Variants in RFX8 observed in about 807,000 individuals in gnomAD.
RFX8 encodes regulatory factor X8.
A neutral mutation model predicts 54.6 loss-of-function variants in RFX8; 46 were observed. The ratio of observed to expected loss-of-function variants is 0.84; its 90% CI spans 0.67 to 1.08. The LOEUF (loss-of-function observed/expected upper bound fraction) is 1.08, where lower values mean the gene tolerates loss of function less well. Ranked by LOEUF, RFX8 falls within the 50% of genes least tolerant of loss-of-function variation. The probability of loss-of-function intolerance (pLI) is 0.00; values close to 1 mark genes in which losing one functional copy is unlikely to be tolerated. For synonymous variants in RFX8, 192 were observed against 209.5 expected (o/e 0.92, Z 0.72); for missense variants, 536 against 562.3 (o/e 0.95, Z 0.47).
intron 4 of RFX8, among the ~76,000 whole-genome samples, chr2:101,419,571 C>T (rs544255756): frequency 6.6e-6 from 1 of 152,284 alleles, no homozygotes; most frequent in Non-Finnish European, 1.5e-5. Flanking sequence ...ACCAGGTGAC[C>T]GATCTGCTTC....
intron 2 of RFX8, among the ~76,000 whole-genome samples, chr2:101,461,171 G>C (rs1281304199): frequency 1.3e-5 from 2 of 150,206 alleles, no homozygotes; most frequent in Non-Finnish European, 3.0e-5. Context: ...CCAGAGGCTG[G>C]AGAATGGCGT....
At chr2:101,410,884 T>G in intron 8 of RFX8, among the ~76,000 whole-genome samples, 171 bp from the exon 9 acceptor site, 1 of 152,208 alleles carries the variant, frequency 6.6e-6, no homozygotes, top group East Asian at 1.9e-4. Flanking sequence ...GCTGGCTTTG[T>G]CACTTCTGCG....
intron 11 of RFX8, among the ~76,000 whole-genome samples, 175 bp from the exon 12 acceptor site, chr2:101,397,899 C>A (rs1383033302): frequency 6.6e-6 from 1 of 152,014 alleles, no homozygotes; most frequent in Non-Finnish European, 1.5e-5. Flanking sequence ...ACTCTTGTTA[C>A]CCAGGCTGGA....
intron 9 of RFX8, among the ~76,000 whole-genome samples, chr2:101,406,504 T>C (rs1224896682): frequency 1.4e-5 from 2 of 147,164 alleles, no homozygotes; most frequent in African/African-American, 5.0e-5. Flanking sequence ...ACTAATTTAA[T>C]TTTGGGGGGG....
At chr2:101,411,157 T>G (rs1187960780) in intron 8 of RFX8, among the ~76,000 whole-genome samples, 1 of 152,192 alleles carries the variant, frequency 6.6e-6, no homozygotes, top group Non-Finnish European at 1.5e-5. Flanking sequence ...GGTTATGCAC[T>G]CAGTTAGGTG....
chr2:101,457,394 T>C (rs959822436), intron 2 of RFX8, among the ~76,000 whole-genome samples: 8 of 152,238 alleles, frequency 5.3e-5, no homozygotes, highest in South Asian at 2.1e-4. Flanking sequence ...CCAGAGATTC[T>C]GGTACATTGT....
chr2:101,424,744 T>C (rs995452159), intron 2 of RFX8, among the ~76,000 whole-genome samples: 1 of 152,148 alleles, frequency 6.6e-6, no homozygotes, highest in Non-Finnish European at 1.5e-5. Context: ...GGAACCATCA[T>C]TCTGAGCAAA....
intron 6 of RFX8, among the ~76,000 whole-genome samples, chr2:101,416,264 C>G (rs1242673705): frequency 6.6e-6 from 1 of 152,164 alleles, no homozygotes; most frequent in Admixed American, 6.5e-5. Flanking sequence ...GAGACAGAGG[C>G]TTGAATTCGG....
Position 101,422,474 on chromosome 2 carries a change from T to G in RFX8, c.73-2A>C, listed in dbSNP as rs7589943. The G allele has an allele frequency of 0.027, 40,424 of 1,513,752 alleles. 1,178 individuals carry two copies. Among genetic ancestry groups the G allele is most frequent in the East Asian group, 0.15 (5,932 of 40,732 alleles). The allele number at this position is 1,513,752 out of a possible 1,614,324, so 93.8% of individuals were successfully genotyped here. A position where few individuals can be genotyped will look rare whatever the true frequency, so the allele number is the denominator to read the frequency against. ...CTTCATCGGTGAATGATCTTCACAC[T>G]AAAAATCATTTGTGCAATGGATTAT... On this transcript the variant is annotated splice_acceptor_variant, in intron 2 of 11. Coordinates refer to ENST00000428343, the MANE Select transcript of RFX8 (RefSeq NM_001145664.2). LOFTEE classifies it high-confidence loss of function.
intron 2 of RFX8, chr2:101,450,703 T>C: frequency 8.2e-7 from 1 of 1,212,434 alleles, no homozygotes; most frequent in Non-Finnish European, 1.2e-6. Flanking sequence ...AGGTTGTCTT[T>C]AAATTTATGT....
chr2:101,449,363 G>A (rs1035979253), intron 2 of RFX8, among the ~76,000 whole-genome samples: 16 of 152,152 alleles, frequency 1.1e-4, no homozygotes, highest in Non-Finnish European at 1.2e-4. Flanking sequence ...AGAGGCTGAG[G>A]AGGGGAAGGC....
chr2:101,402,783 C>T (rs1238172801), intron 10 of RFX8, 31 bp from the exon 11 acceptor site: 2 of 1,507,242 alleles, frequency 1.3e-6, no homozygotes, highest in South Asian at 2.5e-5. Flanking sequence ...AAAATGAATA[C>T]ATTTGATCGA....
At chr2:101,436,343 C>T (rs1687781623) in intron 2 of RFX8, among the ~76,000 whole-genome samples, 1 of 152,254 alleles carries the variant, frequency 6.6e-6, no homozygotes, top group African/African-American at 2.4e-5. Flanking sequence ...TTGGTGTTTC[C>T]ATTCCTTTCC....
intron 2 of RFX8, among the ~76,000 whole-genome samples, chr2:101,466,485 C>T (rs1333812424): frequency 1.3e-5 from 2 of 152,256 alleles, no homozygotes; most frequent in East Asian, 3.9e-4. Flanking sequence ...GAATACCATG[C>T]CAGCAAACCT....
At position 101,422,362 on chromosome 2, in the gene RFX8, C is replaced by T. The variant is rs144676294; in HGVS notation, c.183G>A (p.Met61Ile). ...QEQAKKYSCN[M>I]MAFLADEYCN... Reference sequence around the variant, plus strand: ...AATCTCCCCATGAGTGCAAACCTACCATATTACAGGAGTATTTCTTTGCCT... The same window carrying T: ...AATCTCCCCATGAGTGCAAACCTACTATATTACAGGAGTATTTCTTTGCCT... The change falls in exon 3 of 12, where the codon ATG (methionine) becomes ATA (isoleucine). Residue 61 changes from methionine (M) to isoleucine (I), a missense_variant and splice_region_variant. By Grantham distance (10) the Met-to-Ile change is conservative. Coordinates refer to ENST00000428343, the MANE Select transcript of RFX8 (RefSeq NM_001145664.2). 3.0e-3 allele frequency: 4,400 copies of T among 1,450,770 alleles called. 23 individuals are homozygous for T. The highest frequency in any genetic ancestry group is 0.018 in the African/African-American group (1,276 of 71,358). The allele number at this position is 1,450,770 out of a possible 1,614,324, so 89.9% of individuals were successfully genotyped here.
intron 1 of RFX8, among the ~76,000 whole-genome samples, chr2:101,468,481 G>C (rs1056625116): frequency 2.0e-5 from 3 of 152,018 alleles, no homozygotes; most frequent in African/African-American, 7.3e-5. Context: ...GTAGAGACGG[G>C]GTTTTGCCAT....
At chr2:101,405,147 C>T (rs1685656760) in intron 10 of RFX8, among the ~76,000 whole-genome samples, 1 of 144,340 alleles carries the variant, frequency 6.9e-6, no homozygotes, top group African/African-American at 2.6e-5. Context: ...TCCTATAATC[C>T]TTTTTTTTTT....
intron 2 of RFX8, chr2:101,452,273 G>A (rs1378612336): frequency 1.7e-5 from 10 of 581,080 alleles, no homozygotes; most frequent in Non-Finnish European, 2.6e-5. Context: ...ACACTCTTTG[G>A]TAAGAGTTGT....
rs1288536340 is a variant in RFX8 at position 101,467,747 on chromosome 2, G to T, written c.-52-847C>A. ...CCCCGGCCCCTGGGGACAGCCAGGC[G>T]CCTATTCCAGCAGCAGTATGTGAGC... On this transcript the variant is annotated intron_variant, in intron 1 of 11. Transcript: ENST00000428343. Among the ~76,000 whole-genome samples the T allele has an allele frequency of 1.7e-4, 26 of 152,164 alleles. No homozygotes were observed. The East Asian group carries it at 4.3e-3, about 25-fold the overall frequency.
Sources: gnomAD v4.1 joint callset for allele counts (sites outside exome capture counted in the v4.1 genomes callset) on GRCh38, gnomAD v4.1.1 for gene constraint, MANE v1.5 for transcripts, NCBI Gene and HGNC (gene_info 2026-07-23, HGNC 2026-07-21) for gene names.